RRAS: variants seen among roughly 807,000 people sequenced by gnomAD.
RRAS encodes the protein RAS related.
RRAS carries 18 observed loss-of-function variants against 23.3 expected under a neutral mutation model. The observed-to-expected ratio is 0.77, with a 90% CI of 0.53 to 1.15. RRAS has a LOEUF of 1.15. Among genes scored for constraint, RRAS ranks in the 50% most tolerant of loss-of-function variants. RRAS has a pLI of 0.00. For synonymous variants in RRAS, 133 were observed against 138.3 expected (o/e 0.96, Z 0.27); for missense variants, 291 against 317.1 (o/e 0.92, Z 0.62).
intron 1 of RRAS, among the ~76,000 whole-genome samples, 171 bp from the exon 2 acceptor site, chr19:49,637,301 C>T (rs1447562686): frequency 9.6e-5 from 10 of 104,082 alleles, no homozygotes; most frequent in South Asian, 3.3e-4. Flanking sequence ...CTCTCTGAGT[C>T]TTTTTTTTTT....
chr19:49,638,022 T>C (rs539322498), intron 1 of RRAS, among the ~76,000 whole-genome samples: 23 of 152,184 alleles, frequency 1.5e-4, no homozygotes, highest in Non-Finnish European at 3.2e-4. Context: ...ATCGGAGGCG[T>C]TGTTGTCCAG....
At position 49,636,907 on chromosome 19, in the gene RRAS, C is replaced by T. The variant is rs1568437316; in HGVS notation, c.261G>A (p.Gln87=). 6.2e-7 allele frequency: 1 copy of T among 1,613,470 alleles called. No individual in the cohort carries two copies. The highest frequency in any genetic ancestry group is 1.6e-4 in the Middle Eastern group (1 of 6,062). ...GCTCTCTCATGGCCCCGAACTCTTCCTGGCCCGCGGTGTCCAGGACTGCAG... is the reference window on the plus strand; with the variant it reads ...GCTCTCTCATGGCCCCGAACTCTTCTTGGCCCGCGGTGTCCAGGACTGCAG... ...ARLDILDTAG[Q]EEFGAMREQY... Residue 87 remains glutamine, a synonymous_variant, in exon 3 of 6, where the codon CAG becomes CAA. Transcript: ENST00000246792. The surrounding 1 kb of genome is among the most constrained non-coding windows in gnomAD (Gnocchi z 4.5).
intron 1 of RRAS, among the ~76,000 whole-genome samples, chr19:49,637,356 G>T (rs992400803): frequency 6.9e-6 from 1 of 144,086 alleles, no homozygotes; most frequent in African/African-American, 2.6e-5. Context: ...GCACAGGCTG[G>T]AGTGCAATGG....
At position 49,636,525 on chromosome 19, in the gene RRAS, G is replaced by T. The variant is rs2080996810; in HGVS notation, c.453+94C>A. On this transcript the variant is annotated intron_variant, in intron 4 of 5. Transcript: ENST00000246792. This position sits in a 1 kb window ranked among gnomAD's most constrained non-coding sequence, Gnocchi z 4.5. ...GTGTGACAGTGGCAGTCGCAGCACTGCAGGAACAGAGGAGGATGCTGATGG... is the reference window on the plus strand; with the variant it reads ...GTGTGACAGTGGCAGTCGCAGCACTTCAGGAACAGAGGAGGATGCTGATGG... 3.2e-6 allele frequency: 3 copies of T among 930,550 alleles called. No individual in the cohort carries two copies. Among genetic ancestry groups the T allele is most frequent in the African/African-American group, 1.6e-5 (1 of 61,782 alleles). 57.6% of individuals were successfully genotyped at this position (930,550 alleles called of 1,614,324 possible). A position where few individuals can be genotyped will look rare whatever the true frequency, so the allele number is the denominator to read the frequency against.
chr19:49,639,916 G>A (rs2081014420), intron 1 of RRAS, 30 bp downstream of exon 1: 2 of 1,556,712 alleles, frequency 1.3e-6, no homozygotes, highest in Non-Finnish European at 1.7e-6. Flanking sequence ...TGGGTCCCGG[G>A]GGACACCCTC....
At chr19:49,637,870 C>T (rs536808316) in intron 1 of RRAS, among the ~76,000 whole-genome samples, 9 of 151,072 alleles carry the variant, frequency 6.0e-5, no homozygotes, top group Admixed American at 2.0e-4. Flanking sequence ...TACATCCTAG[C>T]TGTGTGACAC....
At chr19:49,639,907 G>T in intron 1 of RRAS, 39 bp downstream of exon 1, 1 of 1,540,060 alleles carries the variant, frequency 6.5e-7, no homozygotes, top group Non-Finnish European at 8.7e-7. Context: ...GCTCAGTTCT[G>T]GGTCCCGGGG....
At chr19:49,638,194 C>T (rs1202872688) in intron 1 of RRAS, among the ~76,000 whole-genome samples, 1 of 152,190 alleles carries the variant, frequency 6.6e-6, no homozygotes, top group Non-Finnish European at 1.5e-5. Context: ...CTGCCCCACC[C>T]TCGGGCCCCA....
At position 49,636,157 on chromosome 19, in the gene RRAS, G is replaced by C. The variant is rs1354922723; in HGVS notation, c.454-305C>G. On this transcript the variant is annotated intron_variant, in intron 4 of 5. Coordinates refer to ENST00000246792, the MANE Select transcript of RRAS (RefSeq NM_006270.5). The surrounding 1 kb of genome is among the most constrained non-coding windows in gnomAD (Gnocchi z 4.5). ...GAACCCCAAAGCCTGGAAATCCCCAGAGCCTTTGCCAGATGGATGAGTTCT... is the reference window on the plus strand; with the variant it reads ...GAACCCCAAAGCCTGGAAATCCCCACAGCCTTTGCCAGATGGATGAGTTCT... Among the ~76,000 whole-genome samples the C allele has an allele frequency of 6.6e-6, 1 of 152,142 alleles. No homozygotes were observed. Among genetic ancestry groups the C allele is most frequent in the Non-Finnish European group, 1.5e-5 (1 of 68,022 alleles).
chr19:49,638,192 C>A (rs949306893), intron 1 of RRAS, among the ~76,000 whole-genome samples: 3 of 152,156 alleles, frequency 2.0e-5, no homozygotes, highest in Non-Finnish European at 4.4e-5. Flanking sequence ...GGCTGCCCCA[C>A]CCTCGGGCCC....
chr19:49,635,851 A>T lies in RRAS; in HGVS notation c.455T>A (p.Val152Asp). The T allele has an allele frequency of 1.5e-6, 1 of 670,180 alleles. No homozygotes were observed. The highest frequency in any genetic ancestry group is 2.2e-6 in the Non-Finnish European group (1 of 449,768). 41.5% of individuals were successfully genotyped at this position (670,180 alleles called of 1,614,324 possible). ...GAAGGCAGAGGCTTCTGATCGGGGG[A>T]CCTGGGGGTAGGGGGGACACGGGGG... The part of the protein sequence containing the change: ...NKADLESQRQ[V>D]PRSEASAFGA... Residue 152 changes from valine to aspartate, a missense_variant and splice_region_variant, in exon 5 of 6, where the codon GTC (valine) becomes GAC (aspartate). By Grantham distance (152) the Val-to-Asp change is radical. Coordinates refer to ENST00000246792, the MANE Select transcript of RRAS (RefSeq NM_006270.5).
Position 49,635,603 on chromosome 19 carries a change from G to A in RRAS, c.630C>T (p.Gly210=), listed in dbSNP as rs745391652. The A allele has an allele frequency of 1.6e-5, 23 of 1,437,984 alleles. No homozygotes were observed. The Middle Eastern group carries it at 5.7e-4, about 36-fold the overall frequency. The allele number at this position is 1,437,984 out of a possible 1,614,324, so 89.1% of individuals were successfully genotyped here. A position where few individuals can be genotyped will look rare whatever the true frequency, so the allele number is the denominator to read the frequency against. ...PSPPSAPRKK[G]GGCPCVLL ...ACAGGAGGACGCAGGGGCAGCCCCCGCCCTTCTTCCTGGGGGCACTGGGAG... is the reference window on the plus strand; with the variant it reads ...ACAGGAGGACGCAGGGGCAGCCCCCACCCTTCTTCCTGGGGGCACTGGGAG... The change falls in exon 6 of 6, where the codon GGC becomes GGT. Residue 210 remains glycine (G), a synonymous_variant. Coordinates refer to ENST00000246792, the MANE Select transcript of RRAS (RefSeq NM_006270.5).
Position 49,635,763 on chromosome 19 carries a change from C to A in RRAS, c.543G>T (p.Glu181Asp), listed in dbSNP as rs370876982. The A allele has an allele frequency of 6.3e-7, 1 of 1,593,238 alleles. No homozygotes were observed. Among genetic ancestry groups the A allele is most frequent in the Non-Finnish European group, 8.6e-7 (1 of 1,164,076 alleles). Reference protein sequence around the residue: ...ASAKLRLNVDEAFEQLVRAVR... With the variant: ...ASAKLRLNVDDAFEQLVRAVR... ...CAGCCCGCACCAGCTGCTCAAAAGC[C>A]TCGTCCACGTTGAGACGCAGTTTGG... The change falls in exon 5 of 6, where the codon GAG becomes GAT. Residue 181 changes from glutamate (E) to aspartate (D), a missense_variant. Transcript: ENST00000246792.
intron 1 of RRAS, among the ~76,000 whole-genome samples, chr19:49,638,360 AG>A (rs1224822744): frequency 6.6e-6 from 1 of 151,474 alleles, no homozygotes; most frequent in Non-Finnish European, 1.5e-5. Context: ...GGTGGGGGTG[AG>A]GGGGGTGTCC....
chr19:49,637,869 GC>G (rs1334522151), intron 1 of RRAS, among the ~76,000 whole-genome samples: 1 of 148,112 alleles, frequency 6.8e-6, no homozygotes, highest in Non-Finnish European at 1.5e-5. Flanking sequence ...TTACATCCTA[GC>G]TGTGTGACAC....
In RRAS at chr19:49,640,121, T is replaced by A; in HGVS notation, c.-23A>T. On this transcript the variant is annotated 5_prime_UTR_variant, in exon 1 of 6. Coordinates refer to ENST00000246792, the MANE Select transcript of RRAS (RefSeq NM_006270.5). ...CATGTCGCCACCGCTGCTGCTGCCT[T>A]CGCTACCGCCTGCGGGGGAGCCGGG... The A allele has an allele frequency of 7.3e-7, 1 of 1,364,718 alleles. No individual in the cohort carries two copies. Among genetic ancestry groups the A allele is most frequent in the Non-Finnish European group, 9.4e-7 (1 of 1,069,056 alleles). The allele number at this position is 1,364,718 out of a possible 1,614,324, so 84.5% of individuals were successfully genotyped here. A position where few individuals can be genotyped will look rare whatever the true frequency, so the allele number is the denominator to read the frequency against.
In RRAS at chr19:49,635,515, A is replaced by G; in HGVS notation, c.*61T>C. The G allele has an allele frequency of 9.0e-7, 1 of 1,107,968 alleles. No individual in the cohort carries two copies. Among genetic ancestry groups the G allele is most frequent in the South Asian group, 2.4e-5 (1 of 41,578 alleles). The allele number at this position is 1,107,968 out of a possible 1,614,324, so 68.6% of individuals were successfully genotyped here. ...GCTCAGTGAGGGCCTCAGGTCACACAGCAAGGTGCGAAGGCAGCTAGTCCC... is the reference window on the plus strand; with the variant it reads ...GCTCAGTGAGGGCCTCAGGTCACACGGCAAGGTGCGAAGGCAGCTAGTCCC... On this transcript the variant is annotated 3_prime_UTR_variant, in exon 6 of 6. Transcript: ENST00000246792.
At position 49,636,891 on chromosome 19, in the gene RRAS, T is replaced by A. The variant is rs1449552568; in HGVS notation, c.277A>T (p.Met93Leu). ...CCAGCACGCATGTACTGCTCTCTCA[T>A]GGCCCCGAACTCTTCCTGGCCCGCG... ...DTAGQEEFGA[M>L]REQYMRAGHG... The change falls in exon 3 of 6, where the codon ATG (methionine) becomes TTG (leucine). Residue 93 changes from methionine to leucine, a missense_variant. Coordinates refer to ENST00000246792, the MANE Select transcript of RRAS (RefSeq NM_006270.5). The surrounding 1 kb of genome is among the most constrained non-coding windows in gnomAD (Gnocchi z 4.5). 6.2e-7 allele frequency: 1 copy of A among 1,613,406 alleles called. No homozygotes were observed. The highest frequency in any genetic ancestry group is 8.5e-7 in the Non-Finnish European group (1 of 1,180,032).
At chr19:49,635,701 G>C (rs371023759) in intron 5 of RRAS, 33 bp downstream of exon 5, 2 of 1,541,828 alleles carry the variant, frequency 1.3e-6, no homozygotes, top group Admixed American at 1.8e-5. Flanking sequence ...GAAGGGCTGG[G>C]GACAAGGACG....
Sources: allele counts gnomAD v4.1 joint callset (sites outside exome capture counted in the v4.1 genomes callset), GRCh38; gene constraint gnomAD v4.1.1; non-coding constraint Gnocchi (gnomAD v3.1); transcripts MANE v1.5; gene names NCBI Gene and HGNC (gene_info 2026-07-23, HGNC 2026-07-21).